TRIM44: variants seen among roughly 807,000 people sequenced by gnomAD.
The protein encoded by TRIM44 is tripartite motif-containing protein 44.
Under a neutral mutation model 37.4 loss-of-function variants are expected in TRIM44, and 13 were observed. The ratio of observed to expected loss-of-function variants is 0.35; its 90% confidence interval spans 0.23 to 0.55. The LOEUF is 0.55. TRIM44 is among the 20% of genes least tolerant of loss of function. The pLI, the probability that TRIM44 is intolerant of heterozygous loss-of-function variation, is 0.89. For synonymous variants in TRIM44, 175 were observed against 157.2 expected (o/e 1.11, Z -0.85); for missense variants, 426 against 437.2 (o/e 0.97, Z 0.23).
At chr11:35,771,089 A>G (rs1448638280) in intron 4 of TRIM44, among the ~76,000 whole-genome samples, 2 of 152,196 alleles carry the variant, frequency 1.3e-5, no homozygotes, top group East Asian at 1.9e-4. Context: ...GAACTGGGTA[A>G]CAAGCAGAGG....
At position 35,663,225 on chromosome 11, in the gene TRIM44, C is replaced by T; in HGVS notation, c.114C>T (p.Phe38=). ...AGGAAGTGTGCCGAGAATGCGGCTT[C>T]TGCTACTGCCGCCGCCATGCCGAGG... ...GAEEVCRECG[F]CYCRRHAEAH... Residue 38 remains phenylalanine (F), a synonymous_variant, in exon 1 of 5, where the codon TTC becomes TTT. Coordinates refer to ENST00000299413, the MANE Select transcript of TRIM44 (RefSeq NM_017583.6). 1 of 1,606,694 alleles carries T rather than the reference C, an allele frequency of 6.2e-7. No individual in the cohort carries two copies. Among genetic ancestry groups the T allele is most frequent in the Non-Finnish European group, 8.5e-7 (1 of 1,175,018 alleles).
chr11:35,801,460 A>T (rs1334243275), intron 4 of TRIM44, among the ~76,000 whole-genome samples: 5 of 152,196 alleles, frequency 3.3e-5, no homozygotes, highest in Non-Finnish European at 5.9e-5. Flanking sequence ...GAAACTATTA[A>T]ACTTGCAAAG....
chr11:35,766,746 A>T (rs146738665), intron 4 of TRIM44, among the ~76,000 whole-genome samples: 1 of 152,314 alleles, frequency 6.6e-6, no homozygotes, highest in African/African-American at 2.4e-5. Flanking sequence ...TAATTCAGTG[A>T]CCATGAATAA....
At position 35,689,476 on chromosome 11, in the gene TRIM44, T is replaced by C. The variant is rs141538907; in HGVS notation, c.747+4140T>C. 1.9e-3 allele frequency among the ~76,000 whole-genome samples: 282 copies of C among 152,356 alleles called. 2 individuals carry two copies. Among genetic ancestry groups the C allele is most frequent in the African/African-American group, 6.5e-3 (271 of 41,590 alleles). The stretch of plus-strand genomic sequence containing the variant: ...TAGTAGGAAATGGTCTTTTACATAA[T>C]ACGCTGTCCTAATGTGTTTGACTTG... On this transcript the variant is annotated intron_variant, in intron 2 of 4. Transcript: ENST00000299413.
At chr11:35,775,209 G>A (rs1019595895) in intron 4 of TRIM44, among the ~76,000 whole-genome samples, 1 of 152,106 alleles carries the variant, frequency 6.6e-6, no homozygotes, top group Non-Finnish European at 1.5e-5. Context: ...GGATTCCTAG[G>A]TATTTTATTC....
Position 35,796,255 on chromosome 11 carries a change from G to A in TRIM44, c.1008-10103G>A, listed in dbSNP as rs549566590. Among the ~76,000 whole-genome samples the A allele has an allele frequency of 7.0e-3, 609 of 87,296 alleles. 9 individuals are homozygous for A. Among genetic ancestry groups the A allele is most frequent in the East Asian group, 0.025 (91 of 3,684 alleles). 57.3% of individuals were successfully genotyped at this position (87,296 alleles called of 152,430 possible). On this transcript the variant is annotated intron_variant, in intron 4 of 4. Coordinates refer to ENST00000299413, the MANE Select transcript of TRIM44 (RefSeq NM_017583.6). Reference sequence around the variant, plus strand: ...GCGCGCACGTGTGTGTATCTGCCTCGCTCGCTCGCTGTCACACACACACTT... The same window carrying A: ...GCGCGCACGTGTGTGTATCTGCCTCACTCGCTCGCTGTCACACACACACTT...
chr11:35,781,557 C>T (rs1286776320), intron 4 of TRIM44, among the ~76,000 whole-genome samples: 1 of 152,152 alleles, frequency 6.6e-6, no homozygotes, highest in Non-Finnish European at 1.5e-5. Context: ...CTCCAGATCC[C>T]TAGTCACACA....
chr11:35,689,407 A>T (rs1407279646), intron 2 of TRIM44, among the ~76,000 whole-genome samples: 1 of 152,232 alleles, frequency 6.6e-6, no homozygotes, highest in Non-Finnish European at 1.5e-5. Context: ...TCGTGGAAGA[A>T]GATTACTTTT....
intron 4 of TRIM44, among the ~76,000 whole-genome samples, chr11:35,786,969 T>A (rs951558500): frequency 1.7e-4 from 26 of 152,138 alleles, no homozygotes; most frequent in African/African-American, 6.0e-4. Flanking sequence ...ATCCTATAGC[T>A]CTCTGTAAGT....
Position 35,812,123 on chromosome 11 carries a change from CTTG to C in TRIM44, c.*5741_*5743del, listed in dbSNP as rs1853534319. ...ACCACATCCATTGCCCCAGCCCTTT[CTTG>C]TTTTATCTTTCCCTCTGAAAGCTAC... On this transcript the variant is annotated 3_prime_UTR_variant, in exon 5 of 5. Coordinates refer to ENST00000299413, the MANE Select transcript of TRIM44 (RefSeq NM_017583.6). 6.6e-6 allele frequency: 1 copy of C among 152,186 alleles called. No individual in the cohort carries two copies. Among genetic ancestry groups the C allele is most frequent in the Non-Finnish European group, 1.5e-5 (1 of 68,038 alleles). 9.4% of individuals were successfully genotyped at this position (152,186 alleles called of 1,614,324 possible).
At chr11:35,666,031 T>C (rs372487704) in intron 1 of TRIM44, among the ~76,000 whole-genome samples, 4 of 152,350 alleles carry the variant, frequency 2.6e-5, no homozygotes, top group African/African-American at 7.2e-5. Context: ...CTTTTCCTTA[T>C]GGTTAGTGCT....
intron 4 of TRIM44, among the ~76,000 whole-genome samples, chr11:35,794,775 G>A (rs560351037): frequency 6.6e-6 from 1 of 152,298 alleles, no homozygotes; most frequent in East Asian, 1.9e-4. Context: ...CGCTTTATAC[G>A]ATTGTTTTGA....
At chr11:35,799,879 C>T (rs942973570) in intron 4 of TRIM44, among the ~76,000 whole-genome samples, 4 of 152,136 alleles carry the variant, frequency 2.6e-5, no homozygotes, top group African/African-American at 9.7e-5. Context: ...GAGCCCTTCT[C>T]CTTGTGGTTT....
At chr11:35,707,343 G>A (rs1851900164) in intron 2 of TRIM44, among the ~76,000 whole-genome samples, 1 of 152,090 alleles carries the variant, frequency 6.6e-6, no homozygotes, top group African/African-American at 2.4e-5. Context: ...ACTGCCCAAG[G>A]TAATTTATAG....
intron 4 of TRIM44, among the ~76,000 whole-genome samples, chr11:35,804,275 C>T (rs1321512028): frequency 6.6e-6 from 1 of 152,184 alleles, no homozygotes; most frequent in Non-Finnish European, 1.5e-5. Context: ...AGACTTCAGA[C>T]CTTTTCCCCA....
chr11:35,663,034 G>A lies in TRIM44; in HGVS notation c.-78G>A, dbSNP rs1851287907. ...CTCCCTAGGAAGGGACCCGGGGCGG[G>A]AGGAGGAAGTGAGGCCGCGCGGAAG... On this transcript the variant is annotated 5_prime_UTR_variant, in exon 1 of 5. Coordinates refer to ENST00000299413, the MANE Select transcript of TRIM44 (RefSeq NM_017583.6). 2 of 1,440,466 alleles carry A rather than the reference G, an allele frequency of 1.4e-6. No individual in the cohort carries two copies. Among genetic ancestry groups the A allele is most frequent in the Admixed American group, 2.8e-5 (1 of 35,938 alleles). 89.2% of individuals were successfully genotyped at this position (1,440,466 alleles called of 1,614,324 possible).
intron 4 of TRIM44, among the ~76,000 whole-genome samples, chr11:35,801,954 G>A (rs1260130807): frequency 1.3e-5 from 2 of 151,900 alleles, no homozygotes; most frequent in African/African-American, 4.9e-5. Flanking sequence ...AGTATCAAGT[G>A]TAAATCGTTG....
At chr11:35,726,911 G>T (rs1282210174) in intron 3 of TRIM44, among the ~76,000 whole-genome samples, 1 of 151,882 alleles carries the variant, frequency 6.6e-6, no homozygotes, top group Non-Finnish European at 1.5e-5. Context: ...TGTAATCCCA[G>T]CACTTTGGGA....
At chr11:35,738,326 G>C (rs1852350735) in intron 4 of TRIM44, among the ~76,000 whole-genome samples, 1 of 151,988 alleles carries the variant, frequency 6.6e-6, no homozygotes, top group African/African-American at 2.4e-5. Context: ...AGATACCTTT[G>C]TATCATTTTG....
Sources: gnomAD v4.1 joint callset for allele counts (sites outside exome capture counted in the v4.1 genomes callset) on GRCh38, gnomAD v4.1.1 for gene constraint, MANE v1.5 for transcripts, NCBI Gene and HGNC (gene_info 2026-07-23, HGNC 2026-07-21) for gene names.